Variants in PCDHA10 observed in about 807,000 individuals in gnomAD.
PCDHA10 encodes protocadherin alpha 10.
In PCDHA10, 45 loss-of-function variants were observed where a neutral mutation model predicts 61.2. The observed-to-expected ratio is 0.74, with a 90% CI of 0.58 to 0.94. PCDHA10 has a LOEUF of 0.94. Among genes scored for constraint, PCDHA10 ranks in the 40% least tolerant of loss-of-function variants. The pLI, the probability that PCDHA10 is intolerant of heterozygous loss-of-function variation, is 0.00. For missense variants in PCDHA10, 1,278 were observed against 1,236.2 expected (o/e 1.03, Z -0.51); for synonymous variants, 602 against 548.8 (o/e 1.10, Z -1.35).
At chr5:141,006,415 G>C (rs185861703) in intron 3 of PCDHA10, among the ~76,000 whole-genome samples, 2 of 152,146 alleles carry the variant, frequency 1.3e-5, no homozygotes, top group African/African-American at 2.4e-5. Flanking sequence ...CGGTTTCACT[G>C]TGTTAGCCAG....
rs782762108 is a variant in PCDHA10 at position 140,876,906 on chromosome 5, G to A, written c.2388+18470G>A. 3.7e-6 allele frequency: 6 copies of A among 1,613,910 alleles called. No homozygotes were observed. In the African/African-American group the frequency reaches 8.0e-5, roughly 22 times the overall value. On this transcript the variant is annotated intron_variant, in intron 1 of 3. Transcript: ENST00000307360. Reference sequence around the variant, plus strand: ...CGGGCTGCCACATCTTCACGGTGTCGGCATGGGACGCGGACGCGCAGAAGA... The same window carrying A: ...CGGGCTGCCACATCTTCACGGTGTCAGCATGGGACGCGGACGCGCAGAAGA...
intron 1 of PCDHA10, among the ~76,000 whole-genome samples, chr5:140,954,068 G>A (rs1404063517): frequency 6.6e-6 from 1 of 152,174 alleles, no homozygotes; most frequent in South Asian, 2.1e-4. Context: ...TTATGCTGAG[G>A]ATAATGGCTT....
chr5:140,930,329 A>C (rs868965676), intron 1 of PCDHA10: 1 of 152,198 alleles, frequency 6.6e-6, no homozygotes, highest in African/African-American at 2.4e-5. Context: ...AATGTATCTA[A>C]TGAAAGTTAA....
chr5:140,863,415 C>T (rs782613716), intron 1 of PCDHA10: 2 of 737,502 alleles, frequency 2.7e-6, no homozygotes, highest in Admixed American at 1.9e-5. Flanking sequence ...CGCTGGTGTA[C>T]CGCAGCGTAG....
chr5:140,952,192 G>T (rs572613863), intron 1 of PCDHA10, among the ~76,000 whole-genome samples: 3 of 152,080 alleles, frequency 2.0e-5, no homozygotes, highest in Non-Finnish European at 4.4e-5. Context: ...TCATGGGTTG[G>T]TGTTGAATGC....
intron 3 of PCDHA10, among the ~76,000 whole-genome samples, chr5:141,005,731 A>AC (rs2098235322): frequency 6.7e-6 from 1 of 149,106 alleles, no homozygotes; most frequent in Non-Finnish European, 1.5e-5. Flanking sequence ...AAAAAAAAAA[A>AC]GAATGGATGA....
chr5:140,943,420 G>T (rs1197382156), intron 1 of PCDHA10, among the ~76,000 whole-genome samples: 1 of 152,040 alleles, frequency 6.6e-6, no homozygotes, highest in Non-Finnish European at 1.5e-5. Context: ...AGAGGCAAGG[G>T]CTTTAATATG....
intron 3 of PCDHA10, among the ~76,000 whole-genome samples, chr5:141,006,446 C>T (rs2098274720): frequency 1.3e-5 from 2 of 152,066 alleles, no homozygotes; most frequent in South Asian, 4.1e-4. Flanking sequence ...ATCTCCTGAC[C>T]TCGAGATCTG....
intron 1 of PCDHA10, among the ~76,000 whole-genome samples, chr5:140,898,157 G>A (rs1455235992): frequency 1.3e-5 from 2 of 152,162 alleles, no homozygotes; most frequent in South Asian, 4.1e-4. Context: ...CACGCTGATG[G>A]TGGTTTCTTT....
chr5:140,870,562 G>T (rs1554164416), intron 1 of PCDHA10: 1 of 1,613,996 alleles, frequency 6.2e-7, no homozygotes, highest in Non-Finnish European at 8.5e-7. Context: ...GCAGGAGAAC[G>T]CGCTGGTGTC....
chr5:140,879,671 G>T (rs1442617511), intron 1 of PCDHA10, among the ~76,000 whole-genome samples: 3 of 152,210 alleles, frequency 2.0e-5, no homozygotes, highest in Admixed American at 1.3e-4. Context: ...AACACAAACT[G>T]GGTGCTGTAA....
chr5:140,906,822 T>C (rs2072968102), intron 1 of PCDHA10, among the ~76,000 whole-genome samples: 1 of 152,142 alleles, frequency 6.6e-6, no homozygotes, highest in African/African-American at 2.4e-5. Context: ...CACTGTGGAG[T>C]AGTAGACTGA....
At chr5:140,858,843 T>C (rs1373810997) in intron 1 of PCDHA10, 2 of 313,860 alleles carry the variant, frequency 6.4e-6, no homozygotes, top group Non-Finnish European at 1.2e-5. Context: ...AAAATTCCAC[T>C]GATCTATATC....
chr5:140,941,248 T>TTTCTTTCC (rs1563187616), intron 1 of PCDHA10, among the ~76,000 whole-genome samples: 1 of 141,492 alleles, frequency 7.1e-6, no homozygotes, highest in African/African-American at 2.6e-5. Context: ...TCTTTCTTTC[T>TTTCTTTCC]TTCTTTCTCT....
At chr5:140,906,022 C>T (rs782487413) in intron 1 of PCDHA10, among the ~76,000 whole-genome samples, 9 of 152,192 alleles carry the variant, frequency 5.9e-5, no homozygotes, top group African/African-American at 1.2e-4. Context: ...AATCTCTCCA[C>T]GTTCTTCTGT....
chr5:140,951,413 C>T (rs1206149734), intron 1 of PCDHA10, among the ~76,000 whole-genome samples: 1 of 152,028 alleles, frequency 6.6e-6, no homozygotes, highest in African/African-American at 2.4e-5. Context: ...GTTTAATTGG[C>T]TCACAGTTCC....
intron 3 of PCDHA10, among the ~76,000 whole-genome samples, chr5:140,994,582 G>A (rs1179279862): frequency 6.6e-6 from 1 of 152,062 alleles, no homozygotes; most frequent in Non-Finnish European, 1.5e-5. Context: ...GCATGCACTT[G>A]TAGTCTCAGC....
At chr5:140,993,460 T>TCCCACACA (rs1554253699) in intron 3 of PCDHA10, among the ~76,000 whole-genome samples, 2 of 104,506 alleles carry the variant, frequency 1.9e-5, no homozygotes, top group African/African-American at 7.8e-5. Flanking sequence ...CTTCTTTCTT[T>TCCCACACA]CTCACACACA....
At chr5:140,937,023 A>G (rs2091268625) in intron 1 of PCDHA10, among the ~76,000 whole-genome samples, 1 of 150,410 alleles carries the variant, frequency 6.6e-6, no homozygotes. Flanking sequence ...TTAACAAGGT[A>G]TATTCTTCCA....
Sources: allele counts gnomAD v4.1 joint callset (sites outside exome capture counted in the v4.1 genomes callset), GRCh38; gene constraint gnomAD v4.1.1; transcripts MANE v1.5; gene names NCBI Gene and HGNC (gene_info 2026-07-23, HGNC 2026-07-21).